The following LSAMP variants were observed in gnomAD, a reference collection of about 807,000 sequenced individuals.
The protein encoded by LSAMP is limbic system associated membrane protein, also known as limbic system-associated membrane protein.
Under a neutral mutation model 38.6 loss-of-function variants are expected in LSAMP, and 7 were observed. The observed-to-expected ratio is 0.18, with a 90% CI of 0.10 to 0.34. LSAMP has a LOEUF of 0.34. Ranked by LOEUF, LSAMP falls within the 10% of genes least tolerant of loss-of-function variation. LSAMP has a pLI of 1.00. For missense variants in LSAMP, 313 were observed against 420.0 expected (o/e 0.75, Z 2.23); for synonymous variants, 154 against 166.8 (o/e 0.92, Z 0.59).
rs1935680916 is a variant in LSAMP at position 115,861,167 on chromosome 3, TTCCTTCCTTCCTTCC to T, written c.515-8565_515-8551del. Among the ~76,000 whole-genome samples, 27 of 117,302 alleles carry T rather than the reference TTCCTTCCTTCCTTCC, an allele frequency of 2.3e-4. 1 individual carries two copies. Among genetic ancestry groups the T allele is most frequent in the Middle Eastern group, 4.8e-3 (1 of 210 alleles). 77.0% of individuals were successfully genotyped at this position (117,302 alleles called of 152,430 possible). Reference sequence around the variant, plus strand: ...CTTCCTTCCTTCCTTCCTTCCTTCCTTCCTTCCTTCCTTCCTTCCTTCCTTCCTTCCTTCCTTCCT... The same window carrying T: ...CTTCCTTCCTTCCTTCCTTCCTTCCTTTCCTTCCTTCCTTCCTTCCTTCCT... On this transcript the variant is annotated intron_variant, in intron 3 of 6. Transcript: ENST00000490035.
intron 3 of LSAMP, among the ~76,000 whole-genome samples, chr3:115,987,594 C>A (rs1295082615): frequency 6.6e-6 from 1 of 152,168 alleles, no homozygotes; most frequent in Non-Finnish European, 1.5e-5. Flanking sequence ...ATAAGTAACA[C>A]TGTTTAGGTC....
intron 4 of LSAMP, 32 bp from the exon 5 acceptor site, chr3:115,842,610 GA>G: frequency 6.2e-7 from 1 of 1,610,380 alleles, no homozygotes; most frequent in Non-Finnish European, 8.5e-7. Context: ...AAGTTTACAT[GA>G]GGGTCGGGGT....
intron 1 of LSAMP, among the ~76,000 whole-genome samples, chr3:116,372,931 C>T (rs544065161): frequency 1.3e-5 from 2 of 150,760 alleles, no homozygotes; most frequent in East Asian, 2.0e-4. Context: ...CAATTTTGCA[C>T]CGGTGGTAGG....
rs183265446 is a variant in LSAMP at position 116,418,490 on chromosome 3, T to G, written c.155+26387A>C. Reference sequence around the variant, plus strand: ...TCATTTCTTCATTATATTTCTCATGTTTTTTTTTAAATTTATTTTCAATGC... The same window carrying G: ...TCATTTCTTCATTATATTTCTCATGGTTTTTTTTAAATTTATTTTCAATGC... On this transcript the variant is annotated intron_variant, in intron 1 of 6. Coordinates refer to ENST00000490035, the MANE Select transcript of LSAMP (RefSeq NM_002338.5). Among the ~76,000 whole-genome samples the G allele has an allele frequency of 8.2e-5, 9 of 109,776 alleles. 1 individual carries two copies. In the South Asian group the frequency reaches 8.8e-4, roughly 11 times the overall value. The allele number at this position is 109,776 out of a possible 152,430, so 72.0% of individuals were successfully genotyped here. A position where few individuals can be genotyped will look rare whatever the true frequency, so the allele number is the denominator to read the frequency against.
chr3:115,930,389 G>A (rs1032299059), intron 3 of LSAMP, among the ~76,000 whole-genome samples: 1 of 152,120 alleles, frequency 6.6e-6, no homozygotes, highest in Non-Finnish European at 1.5e-5. Context: ...AGGAGGGATA[G>A]TAGGAAATTC....
At chr3:116,269,693 G>T (rs921765085) in intron 1 of LSAMP, among the ~76,000 whole-genome samples, 2 of 152,034 alleles carry the variant, frequency 1.3e-5, no homozygotes, top group African/African-American at 4.8e-5. Flanking sequence ...AATTACTGTA[G>T]GACAACTAGT....
At chr3:116,025,422 T>C (rs1940763204) in intron 2 of LSAMP, among the ~76,000 whole-genome samples, 1 of 152,154 alleles carries the variant, frequency 6.6e-6, no homozygotes, top group South Asian at 2.1e-4. Flanking sequence ...ATGATTATTT[T>C]TGTTTTGCTG....
intron 1 of LSAMP, among the ~76,000 whole-genome samples, chr3:116,335,878 C>T (rs1455790901): frequency 6.6e-6 from 1 of 151,976 alleles, no homozygotes; most frequent in East Asian, 1.9e-4. Flanking sequence ...ATCGAACTTA[C>T]AGTTTCTACT....
chr3:115,890,110 C>T (rs552138493), intron 3 of LSAMP, among the ~76,000 whole-genome samples: 1 of 151,890 alleles, frequency 6.6e-6, no homozygotes, highest in Non-Finnish European at 1.5e-5. Flanking sequence ...GAGTTCAGTA[C>T]AGCAATTTTG....
intron 2 of LSAMP, among the ~76,000 whole-genome samples, chr3:116,071,770 C>T (rs866160321): frequency 6.6e-6 from 1 of 152,076 alleles, no homozygotes; most frequent in Non-Finnish European, 1.5e-5. Context: ...AACTAACAGG[C>T]CCCAGTGTGT....
At chr3:116,049,938 T>C (rs1051306509) in intron 2 of LSAMP, among the ~76,000 whole-genome samples, 1 of 152,180 alleles carries the variant, frequency 6.6e-6, no homozygotes, top group Non-Finnish European at 1.5e-5. Flanking sequence ...AAGTAAAGGT[T>C]ACACAAATCC....
intron 6 of LSAMP, among the ~76,000 whole-genome samples, chr3:115,840,698 A>C (rs1054933522): frequency 1.3e-5 from 2 of 152,368 alleles, no homozygotes; most frequent in East Asian, 3.9e-4. Context: ...ACTACATTTC[A>C]AGAGAACTCT....
At chr3:116,318,382 A>G (rs982938034) in intron 1 of LSAMP, among the ~76,000 whole-genome samples, 3 of 152,148 alleles carry the variant, frequency 2.0e-5, no homozygotes, top group African/African-American at 7.2e-5. Flanking sequence ...CAGGAGGAGA[A>G]AAGGGTTGGG....
chr3:116,138,750 T>G (rs954736654), intron 1 of LSAMP, among the ~76,000 whole-genome samples: 1 of 152,050 alleles, frequency 6.6e-6, no homozygotes, highest in East Asian at 1.9e-4. Flanking sequence ...TTAATTTAAT[T>G]TCATGCATTG....
chr3:115,902,538 CAA>C (rs1363374058), intron 3 of LSAMP, among the ~76,000 whole-genome samples: 1 of 151,924 alleles, frequency 6.6e-6, no homozygotes, highest in African/African-American at 2.4e-5. Context: ...AAGAAACTAT[CAA>C]GAGAGTAAAT....
chr3:115,835,667 T>C (rs532025678), intron 6 of LSAMP, among the ~76,000 whole-genome samples: 53 of 152,222 alleles, frequency 3.5e-4, no homozygotes, highest in Non-Finnish European at 7.2e-4. Context: ...CCTACCATCT[T>C]GTGCCTTATG....
At chr3:116,236,279 C>G (rs2046464974) in intron 1 of LSAMP, among the ~76,000 whole-genome samples, 1 of 151,612 alleles carries the variant, frequency 6.6e-6, no homozygotes, top group African/African-American at 2.4e-5. Flanking sequence ...CCATAAAACT[C>G]AAAAAATAAA....
chr3:115,875,932 C>T (rs13081477), intron 3 of LSAMP, among the ~76,000 whole-genome samples: 91 of 152,228 alleles, frequency 6.0e-4, no homozygotes, highest in Non-Finnish European at 1.1e-3. Flanking sequence ...CCATTAACAG[C>T]AGGCTTCTGA....
chr3:115,976,633 C>A (rs1161678839), intron 3 of LSAMP, among the ~76,000 whole-genome samples: 1 of 152,154 alleles, frequency 6.6e-6, no homozygotes, highest in Non-Finnish European at 1.5e-5. Context: ...TCACCCAAAT[C>A]TCATGTTGAA....
Sources: gnomAD v4.1 joint callset for allele counts (sites outside exome capture counted in the v4.1 genomes callset) on GRCh38, gnomAD v4.1.1 for gene constraint, MANE v1.5 for transcripts, NCBI Gene and HGNC (gene_info 2026-07-23, HGNC 2026-07-21) for gene names.